RALB: variants seen among roughly 807,000 people sequenced by gnomAD.
RALB encodes the protein RAS like proto-oncogene B.
Under a neutral mutation model 21.3 loss-of-function variants are expected in RALB, and 16 were observed. The ratio of observed to expected loss-of-function variants is 0.75; its 90% CI spans 0.51 to 1.14. RALB has a LOEUF of 1.14. RALB is among the 50% of genes most tolerant of loss of function. RALB has a pLI of 0.00. For missense variants in RALB, 161 were observed against 256.2 expected, an observed-to-expected ratio of 0.63 and a Z score of 2.54; for synonymous variants, 93 against 96.1, an observed-to-expected ratio of 0.97 and a Z score of 0.19.
chr2:120,256,711 A>G (rs1176652560), intron 1 of RALB, among the ~76,000 whole-genome samples: 2 of 152,194 alleles, frequency 1.3e-5, no homozygotes, highest in African/African-American at 2.4e-5. Flanking sequence ...ATTTCTTCAT[A>G]GCAGCATGAG....
At chr2:120,261,170 C>T (rs935910680) in intron 1 of RALB, among the ~76,000 whole-genome samples, 5 of 152,076 alleles carry the variant, frequency 3.3e-5, no homozygotes, top group African/African-American at 9.7e-5. Flanking sequence ...GGGTCAAAGG[C>T]ACACACGCAT....
chr2:120,268,398 C>G (rs1244203533), intron 1 of RALB, among the ~76,000 whole-genome samples: 2 of 152,168 alleles, frequency 1.3e-5, no homozygotes, highest in Admixed American at 6.5e-5. Flanking sequence ...ATTAATTTAC[C>G]TTACGTTTGT....
intron 1 of RALB, among the ~76,000 whole-genome samples, chr2:120,278,037 GTGAGTGTGTGTGAA>G (rs1243060815): frequency 1.5e-4 from 3 of 20,210 alleles, no homozygotes; most frequent in Non-Finnish European, 2.6e-4. Flanking sequence ...ATGTGAGAGC[GTGAGTGTGTGTGAA>G]TGTGAGCGTG....
At chr2:120,288,755 G>T (rs1052301730) in intron 3 of RALB, among the ~76,000 whole-genome samples, 3 of 152,080 alleles carry the variant, frequency 2.0e-5, no homozygotes, top group African/African-American at 7.2e-5. Context: ...CACTTTTGAA[G>T]TACTTTTCCA....
intron 2 of RALB, among the ~76,000 whole-genome samples, chr2:120,281,963 A>T (rs989895546): frequency 2.6e-5 from 4 of 152,160 alleles, no homozygotes; most frequent in Non-Finnish European, 5.9e-5. Flanking sequence ...TTGGGGGAAG[A>T]TGCTACCAGC....
intron 1 of RALB, among the ~76,000 whole-genome samples, chr2:120,260,936 G>A (rs1281468157): frequency 6.6e-6 from 1 of 152,184 alleles, no homozygotes; most frequent in East Asian, 1.9e-4. Flanking sequence ...AAATAGTGAG[G>A]GAAGGAAACA....
intron 1 of RALB, among the ~76,000 whole-genome samples, chr2:120,269,592 C>A (rs138715748): frequency 6.6e-6 from 1 of 152,262 alleles, no homozygotes; most frequent in African/African-American, 2.4e-5. Flanking sequence ...AGCCACAGAG[C>A]GCTGATTGGT....
chr2:120,263,749 C>T (rs914103726), intron 1 of RALB, among the ~76,000 whole-genome samples: 9 of 152,002 alleles, frequency 5.9e-5, no homozygotes, highest in South Asian at 2.1e-4. Flanking sequence ...AGGATGGTCT[C>T]GAACTCCTGA....
intron 1 of RALB, among the ~76,000 whole-genome samples, chr2:120,269,382 A>ACAAAGCTTC (rs1213810888): frequency 1.3e-5 from 2 of 152,236 alleles, no homozygotes; most frequent in African/African-American, 4.8e-5. Context: ...GAGTGAAAGA[A>ACAAAGCTTC]CAAAGCTTCC....
intron 3 of RALB, among the ~76,000 whole-genome samples, chr2:120,287,309 TCA>T (rs1242122190): frequency 6.6e-6 from 1 of 152,198 alleles, no homozygotes; most frequent in Admixed American, 6.5e-5. Flanking sequence ...GCTCCAGGCT[TCA>T]GAGTCGAAGA....
chr2:120,251,371 G>A (rs2104572352), upstream of RALB, among the ~76,000 whole-genome samples: 1 of 152,318 alleles, frequency 6.6e-6, no homozygotes. Flanking sequence ...ACTAATGTAA[G>A]CTCACATTCC....
intron 1 of RALB, among the ~76,000 whole-genome samples, chr2:120,265,929 C>T (rs1455497401): frequency 6.6e-6 from 1 of 152,226 alleles, no homozygotes; most frequent in East Asian, 1.9e-4. Context: ...GCTGCCTCTT[C>T]AGGTAGCAGG....
chr2:120,274,333 T>G (rs1299784965), intron 1 of RALB, among the ~76,000 whole-genome samples: 1 of 151,462 alleles, frequency 6.6e-6, no homozygotes, highest in Non-Finnish European at 1.5e-5. Flanking sequence ...CTTGCTTAGC[T>G]CACTTATTTA....
intron 1 of RALB, among the ~76,000 whole-genome samples, chr2:120,254,280 C>T (rs1033140763): frequency 9.9e-5 from 15 of 152,200 alleles, no homozygotes; most frequent in African/African-American, 1.4e-4. Flanking sequence ...GAAATAGGAG[C>T]GGGGGAGAAG....
intron 3 of RALB, 79 bp from the exon 4 acceptor site, chr2:120,289,501 T>G: frequency 1.4e-6 from 2 of 1,452,388 alleles, no homozygotes; most frequent in Non-Finnish European, 1.9e-6. Flanking sequence ...AGGAAAGCCT[T>G]TTATTTTAGA....
At chr2:120,280,779 G>T in intron 2 of RALB, 1 of 355,544 alleles carries the variant, frequency 2.8e-6, no homozygotes, top group Non-Finnish European at 5.5e-6. Context: ...CAGAACAAAA[G>T]ACATTTTCAT....
chr2:120,275,284 G>A (rs184154609), intron 1 of RALB, among the ~76,000 whole-genome samples: 30 of 152,150 alleles, frequency 2.0e-4, no homozygotes, highest in South Asian at 8.3e-4. Context: ...GTGTGCATGC[G>A]CACACATGCA....
chr2:120,280,412 G>A (rs910151096), intron 2 of RALB, among the ~76,000 whole-genome samples: 1 of 152,062 alleles, frequency 6.6e-6, no homozygotes, highest in Non-Finnish European at 1.5e-5. Context: ...CAGGGACATC[G>A]ATGAAGCTGG....
upstream of RALB, among the ~76,000 whole-genome samples, chr2:120,251,913 T>C (rs1304872762): frequency 6.6e-6 from 1 of 152,204 alleles, no homozygotes; most frequent in Non-Finnish European, 1.5e-5. Flanking sequence ...AATCTAATCA[T>C]GGCCCAAAGC....
Sources: gnomAD v4.1 joint callset for allele counts (sites outside exome capture counted in the v4.1 genomes callset) on GRCh38, gnomAD v4.1.1 for gene constraint, MANE v1.5 for transcripts, NCBI Gene and HGNC (gene_info 2026-07-23, HGNC 2026-07-21) for gene names.